Variants in METTL15 observed in about 807,000 individuals in gnomAD.
The protein encoded by METTL15 is 12S rRNA N(4)-cytidine methyltransferase METTL15.
METTL15 carries 34 observed loss-of-function variants against 38.3 expected under a neutral mutation model. The ratio of observed to expected loss-of-function variants is 0.89; its 90% CI spans 0.68 to 1.18. The LOEUF is 1.18. Among genes scored for constraint, METTL15 ranks in the 50% most tolerant of loss-of-function variants. The pLI, the probability that METTL15 is intolerant of heterozygous loss-of-function variation, is 0.00. For synonymous variants in METTL15, 162 were observed against 170.9 expected (o/e 0.95, Z 0.41); for missense variants, 438 against 498.4 (o/e 0.88, Z 1.15).
chr11:28,266,199 C>T (rs1195902278), intron 4 of METTL15, among the ~76,000 whole-genome samples: 1 of 152,124 alleles, frequency 6.6e-6, no homozygotes, highest in Admixed American at 6.5e-5. Context: ...CCCAGCAATC[C>T]CATTACTGGA....
At chr11:28,223,315 C>T (rs1014724007) in intron 4 of METTL15, among the ~76,000 whole-genome samples, 1 of 151,844 alleles carries the variant, frequency 6.6e-6, no homozygotes, top group Non-Finnish European at 1.5e-5. Context: ...ATAGAAAATT[C>T]AGAGTTATAT....
intron 5 of METTL15, among the ~76,000 whole-genome samples, chr11:28,292,042 C>T (rs985840823): frequency 6.6e-6 from 1 of 151,414 alleles, no homozygotes; most frequent in African/African-American, 2.4e-5. Flanking sequence ...TAGGAGAATA[C>T]ATTTATTTAT....
intron 3 of METTL15, among the ~76,000 whole-genome samples, chr11:28,143,130 T>G (rs1259367832): frequency 2.0e-5 from 3 of 152,032 alleles, no homozygotes; most frequent in Non-Finnish European, 4.4e-5. Flanking sequence ...GATCACATTT[T>G]TTTGGACATG....
intron 5 of METTL15, among the ~76,000 whole-genome samples, chr11:28,393,798 G>A (rs560700527): frequency 3.9e-5 from 6 of 152,080 alleles, no homozygotes; most frequent in South Asian, 2.1e-4. Context: ...GACTATATAC[G>A]GATGTGAACA....
At chr11:28,393,200 T>A (rs555490761) in intron 5 of METTL15, among the ~76,000 whole-genome samples, 1 of 152,136 alleles carries the variant, frequency 6.6e-6, no homozygotes, top group African/African-American at 2.4e-5. Flanking sequence ...TTGAAAACAG[T>A]ATTTTAAAGA....
chr11:28,147,257 A>C (rs1024372154), intron 3 of METTL15, among the ~76,000 whole-genome samples: 2 of 151,894 alleles, frequency 1.3e-5, no homozygotes, highest in African/African-American at 4.8e-5. Context: ...TAAACACCTA[A>C]TGCAATCTAC....
chr11:28,263,728 T>G (rs889055346), intron 4 of METTL15, among the ~76,000 whole-genome samples: 15 of 152,114 alleles, frequency 9.9e-5, no homozygotes, highest in African/African-American at 3.6e-4. Flanking sequence ...CTCTGTCAGA[T>G]TTAATGAAAA....
intron 5 of METTL15, among the ~76,000 whole-genome samples, chr11:28,374,881 G>A (rs923086657): frequency 4.8e-4 from 73 of 151,206 alleles, no homozygotes; most frequent in African/African-American, 1.6e-3. Flanking sequence ...ATGAAGGGTT[G>A]TTGAATTTTG....
chr11:28,116,234 G>A (rs554446753), intron 3 of METTL15, among the ~76,000 whole-genome samples: 4 of 152,030 alleles, frequency 2.6e-5, no homozygotes, highest in South Asian at 2.1e-4. Flanking sequence ...AAAAATGTTG[G>A]TTGATATAAT....
intron 3 of METTL15, among the ~76,000 whole-genome samples, chr11:28,187,559 T>C (rs1851544276): frequency 6.7e-6 from 1 of 149,368 alleles, no homozygotes; most frequent in South Asian, 2.1e-4. Flanking sequence ...CCGATGTCCA[T>C]CTTATATTAA....
chr11:28,438,505 G>A (rs1851002942), intron 6 of METTL15, among the ~76,000 whole-genome samples: 1 of 152,064 alleles, frequency 6.6e-6, no homozygotes, highest in South Asian at 2.1e-4. Flanking sequence ...TGAAGTGGTT[G>A]TCAGACTTTA....
At chr11:28,182,792 G>T (rs954632948) in intron 3 of METTL15, among the ~76,000 whole-genome samples, 1 of 152,088 alleles carries the variant, frequency 6.6e-6, no homozygotes, top group Non-Finnish European at 1.5e-5. Flanking sequence ...ATTCCGTGAA[G>T]AAAGTCAGTG....
chr11:28,531,692 A>G (rs1005450065), downstream of METTL15, among the ~76,000 whole-genome samples: 1 of 152,052 alleles, frequency 6.6e-6, no homozygotes, highest in Admixed American at 6.6e-5. Context: ...GAAAAATGGT[A>G]GTAGTAATAT....
At chr11:28,167,186 A>C (rs1850687867) in intron 3 of METTL15, among the ~76,000 whole-genome samples, 1 of 152,034 alleles carries the variant, frequency 6.6e-6, no homozygotes, top group Non-Finnish European at 1.5e-5. Context: ...TTACAGCGGG[A>C]GTTAGGATGG....
At chr11:28,148,161 A>G (rs1371178931) in intron 3 of METTL15, among the ~76,000 whole-genome samples, 1 of 151,912 alleles carries the variant, frequency 6.6e-6, no homozygotes, top group Non-Finnish European at 1.5e-5. Context: ...ATTTGCTAGC[A>G]AATTGTGATA....
intron 3 of METTL15, chr11:28,163,869 G>C (rs1425440007): frequency 6.4e-6 from 1 of 155,404 alleles, no homozygotes; most frequent in African/African-American, 2.4e-5. Flanking sequence ...ATTAGAAAGA[G>C]TTATAATTTT....
intron 4 of METTL15, among the ~76,000 whole-genome samples, chr11:28,276,057 C>T (rs968751299): frequency 1.3e-5 from 2 of 152,046 alleles, no homozygotes; most frequent in Non-Finnish European, 2.9e-5. Context: ...TGCTCACATT[C>T]ACCACTGCCT....
chr11:28,445,613 C>T (rs1034453699), intron 6 of METTL15, among the ~76,000 whole-genome samples: 1 of 152,072 alleles, frequency 6.6e-6, no homozygotes, highest in African/African-American at 2.4e-5. Context: ...CTTGGTTTTA[C>T]ATGATATTGG....
intron 4 of METTL15, among the ~76,000 whole-genome samples, chr11:28,286,282 A>G (rs1258902013): frequency 6.6e-6 from 1 of 152,164 alleles, no homozygotes; most frequent in East Asian, 1.9e-4. Context: ...TTTTAATTAA[A>G]GTCAGTTGAT....
Sources: allele counts gnomAD v4.1 joint callset (sites outside exome capture counted in the v4.1 genomes callset), GRCh38; gene constraint gnomAD v4.1.1; transcripts MANE v1.5; gene names NCBI Gene and HGNC (gene_info 2026-07-23, HGNC 2026-07-21).